Variants in ANKRD30B observed in about 807,000 individuals in gnomAD.
ANKRD30B encodes the protein ankyrin repeat domain 30B, also known as ankyrin repeat domain-containing protein 30B.
Under a neutral mutation model 202.2 loss-of-function variants are expected in ANKRD30B, and 144 were observed. That is an observed-to-expected ratio of 0.71 (90% confidence interval 0.62 to 0.82). ANKRD30B has a LOEUF of 0.82. Ranked by LOEUF, ANKRD30B falls within the 40% of genes least tolerant of loss-of-function variation. The probability of loss-of-function intolerance (pLI) is 0.00; values close to 1 mark genes in which losing one functional copy is unlikely to be tolerated. For synonymous variants in ANKRD30B, 508 were observed against 561.3 expected (o/e 0.91, Z 1.34); for missense variants, 1,487 against 1,669.1 (o/e 0.89, Z 1.90).
chr18:14,791,267 T>C, intron 15 of ANKRD30B, 134 bp from the exon 16 acceptor site: 1 of 674,370 alleles, frequency 1.5e-6, no homozygotes. Context: ...TTTCTATACG[T>C]GTGTACTCTT....
the ANKRD30B span, among the ~76,000 whole-genome samples, chr18:14,939,264 C>T: frequency 1.3e-5 from 2 of 152,150 alleles, no homozygotes; most frequent in Non-Finnish European, 2.9e-5. Flanking sequence ...GTCCTTTGCC[C>T]TAGGATTACA....
At chr18:14,928,248 G>A in the ANKRD30B span, among the ~76,000 whole-genome samples, 8 of 152,082 alleles carry the variant, frequency 5.3e-5, no homozygotes, top group East Asian at 1.9e-4. Flanking sequence ...GATTACAGGC[G>A]CGAGTCACCA....
chr18:14,867,068 C>G, the ANKRD30B span, among the ~76,000 whole-genome samples: 2 of 134,766 alleles, frequency 1.5e-5, no homozygotes, highest in African/African-American at 5.7e-5. Context: ...TGCAGTACCC[C>G]GGGCGTTCAC....
intron 37 of ANKRD30B, 22 bp from the exon 38 acceptor site, chr18:14,842,875 A>G: frequency 6.5e-7 from 1 of 1,548,270 alleles, no homozygotes; most frequent in Non-Finnish European, 8.7e-7. Context: ...ATGACTGATA[A>G]TAAATCTCTT....
At chr18:14,823,703 G>T (rs557455691) in intron 32 of ANKRD30B, among the ~76,000 whole-genome samples, 16 of 152,274 alleles carry the variant, frequency 1.1e-4, no homozygotes, top group Admixed American at 7.2e-4. Flanking sequence ...GCTGTGCATG[G>T]TGGCACATGC....
intron 16 of ANKRD30B, among the ~76,000 whole-genome samples, chr18:14,793,745 T>C (rs1213874680): frequency 1.3e-5 from 2 of 151,792 alleles, no homozygotes; most frequent in Non-Finnish European, 2.9e-5. Flanking sequence ...ATACAAAAAA[T>C]TAGCCGGGCG....
the ANKRD30B span, among the ~76,000 whole-genome samples, chr18:14,876,108 G>A: frequency 6.6e-6 from 1 of 151,902 alleles, no homozygotes; most frequent in Admixed American, 6.6e-5. Flanking sequence ...AAAGGAACAG[G>A]GCATGGCTCT....
chr18:14,752,758 A>C, intron 2 of ANKRD30B, 78 bp downstream of exon 2: 1 of 1,533,086 alleles, frequency 6.5e-7, no homozygotes, highest in Non-Finnish European at 8.8e-7. Context: ...TAGTTGAAAT[A>C]CAACTAGTTT....
At chr18:14,770,222 C>T (rs1407624510) in intron 8 of ANKRD30B, among the ~76,000 whole-genome samples, 3 of 151,916 alleles carry the variant, frequency 2.0e-5, no homozygotes. Context: ...TCTGCCAGCA[C>T]CATTTTTCTA....
chr18:14,897,675 G>A, the ANKRD30B span, among the ~76,000 whole-genome samples: 1 of 152,012 alleles, frequency 6.6e-6, no homozygotes, highest in Non-Finnish European at 1.5e-5. Flanking sequence ...CAATATTAAA[G>A]TTTAAATACA....
the ANKRD30B span, among the ~76,000 whole-genome samples, chr18:14,896,333 G>T: frequency 1.8e-4 from 27 of 152,090 alleles, no homozygotes; most frequent in South Asian, 6.2e-4. Context: ...AGGTTTCACC[G>T]TGTTAGCCAG....
intron 9 of ANKRD30B, among the ~76,000 whole-genome samples, chr18:14,772,692 G>A (rs899501173): frequency 6.9e-6 from 1 of 145,642 alleles, no homozygotes; most frequent in African/African-American, 2.5e-5. Flanking sequence ...CCGAAACTGT[G>A]CCACATAGCA....
chr18:14,760,633 A>G lies in ANKRD30B; in HGVS notation c.820+15A>G. The stretch of plus-strand genomic sequence containing the variant: ...TACCAATCCAGGTAAGACTTCGGAT[A>G]GCAAACTACTCTTGATGGTGCTACC... On this transcript the variant is annotated intron_variant, in intron 6 of 43. Transcript: ENST00000690538. 6.6e-7 allele frequency: 1 copy of G among 1,507,658 alleles called. No homozygotes were observed. Among genetic ancestry groups the G allele is most frequent in the Non-Finnish European group, 8.9e-7 (1 of 1,117,928 alleles). The allele number at this position is 1,507,658 out of a possible 1,614,324, so 93.4% of individuals were successfully genotyped here. A position where few individuals can be genotyped will look rare whatever the true frequency, so the allele number is the denominator to read the frequency against.
At chr18:14,856,010 G>A (rs1274686667), downstream of ANKRD30B, among the ~76,000 whole-genome samples, 1 of 139,914 alleles carries the variant, frequency 7.1e-6, no homozygotes, top group Admixed American at 7.0e-5. Context: ...CAGACTGGGC[G>A]GCCAGGCAGA....
the ANKRD30B span, among the ~76,000 whole-genome samples, chr18:14,867,664 A>C: frequency 6.6e-6 from 1 of 152,066 alleles, no homozygotes. Context: ...GGGAACTGGT[A>C]CTTGGGTGGG....
chr18:14,916,750 G>C, the ANKRD30B span, among the ~76,000 whole-genome samples: 1 of 152,248 alleles, frequency 6.6e-6, no homozygotes, highest in South Asian at 2.1e-4. Flanking sequence ...TAATGTGAAG[G>C]CCAACAAGAA....
the ANKRD30B span, among the ~76,000 whole-genome samples, chr18:14,884,424 T>C: frequency 1.3e-5 from 2 of 152,090 alleles, no homozygotes; most frequent in African/African-American, 2.4e-5. Flanking sequence ...ATGAGCCACA[T>C]AAACTATGAG....
chr18:14,808,370 A>C lies in ANKRD30B; in HGVS notation c.2285-181A>C, dbSNP rs774818148. The C allele has an allele frequency of 2.2e-5, 15 of 666,724 alleles. 1 individual carries two copies. In the Admixed American group the frequency reaches 2.6e-4, roughly 11 times the overall value. The allele number at this position is 666,724 out of a possible 1,614,324, so 41.3% of individuals were successfully genotyped here. A position where few individuals can be genotyped will look rare whatever the true frequency, so the allele number is the denominator to read the frequency against. On this transcript the variant is annotated intron_variant, in intron 24 of 43. Coordinates refer to ENST00000690538, the MANE Select transcript of ANKRD30B (RefSeq NM_001367607.2). ...TGAAATTTATTTTTTAAATTTTCTT[A>C]AGTATATTTCTGTCCCATTGGCATG...
chr18:14,806,000 C>A (rs1344427963), intron 24 of ANKRD30B, among the ~76,000 whole-genome samples: 1 of 150,438 alleles, frequency 6.6e-6, no homozygotes, highest in East Asian at 1.9e-4. Context: ...GCGGGCAGAT[C>A]ACGAGGTCAG....
Sources: allele counts gnomAD v4.1 joint callset (sites outside exome capture counted in the v4.1 genomes callset), GRCh38; gene constraint gnomAD v4.1.1; transcripts MANE v1.5; gene names NCBI Gene and HGNC (gene_info 2026-07-23, HGNC 2026-07-21).